Variants in PIKFYVE observed in about 807,000 individuals in gnomAD.
The protein encoded by PIKFYVE is 1-phosphatidylinositol 3-phosphate 5-kinase.
A neutral mutation model predicts 257.9 loss-of-function variants in PIKFYVE; 122 were observed. The observed-to-expected ratio is 0.47, with a 90% CI of 0.41 to 0.55. The LOEUF (loss-of-function observed/expected upper bound fraction) is 0.55. PIKFYVE is among the 20% of genes least tolerant of loss of function. The pLI, the probability that PIKFYVE is intolerant of heterozygous loss-of-function variation, is 0.00. For synonymous variants in PIKFYVE, 892 were observed against 868.9 expected, an observed-to-expected ratio of 1.03 and a Z score of -0.47; for missense variants, 2,160 against 2,536.6, an observed-to-expected ratio of 0.85 and a Z score of 3.19.
At chr2:208,289,022 C>T (rs528737034) in intron 7 of PIKFYVE, among the ~76,000 whole-genome samples, 6 of 152,222 alleles carry the variant, frequency 3.9e-5, no homozygotes, top group South Asian at 2.1e-4. Flanking sequence ...CAGTGGCTTC[C>T]GGGTTTGGAA....
chr2:208,337,659 A>T lies in PIKFYVE; in HGVS notation c.4611+731A>T, dbSNP rs182748898. On this transcript the variant is annotated intron_variant, in intron 28 of 41. Coordinates refer to ENST00000264380, the MANE Select transcript of PIKFYVE (RefSeq NM_015040.4). ...TCCAGGAAGCGAGCTACTATTTAGA[A>T]TGCAATTCTCAAAGTGTGGTTCAAG... is the stretch of plus-strand genomic sequence containing the variant. Among the ~76,000 whole-genome samples, 9 of 152,178 alleles carry T rather than the reference A, an allele frequency of 5.9e-5. No homozygotes were observed. In the East Asian group the frequency reaches 1.5e-3, roughly 26 times the overall value.
chr2:208,333,036 C>T (rs2125653246), intron 23 of PIKFYVE, among the ~76,000 whole-genome samples: 1 of 152,060 alleles, frequency 6.6e-6, no homozygotes, highest in South Asian at 2.1e-4. Flanking sequence ...AGATCGAGAC[C>T]ACCCTGGCTA....
intron 1 of PIKFYVE, among the ~76,000 whole-genome samples, chr2:208,267,391 A>G (rs1000928260): frequency 1.6e-4 from 25 of 151,568 alleles, no homozygotes; most frequent in Admixed American, 1.6e-3. Context: ...TGCTTTCTGG[A>G]TCCTGCTCTG....
chr2:208,318,820 G>T (rs192435194), intron 16 of PIKFYVE, among the ~76,000 whole-genome samples: 4 of 151,980 alleles, frequency 2.6e-5, no homozygotes, highest in Admixed American at 2.6e-4. Context: ...GCGTGGTGGC[G>T]TGTGCCTGTA....
intron 20 of PIKFYVE, among the ~76,000 whole-genome samples, chr2:208,327,248 A>G (rs760180392): frequency 2.6e-5 from 4 of 152,168 alleles, no homozygotes; most frequent in Admixed American, 1.3e-4. Flanking sequence ...AAATGTAGGT[A>G]TATGTACATT....
chr2:208,321,006 C>G (rs576982463), intron 17 of PIKFYVE, among the ~76,000 whole-genome samples: 33 of 152,298 alleles, frequency 2.2e-4, no homozygotes, highest in Non-Finnish European at 3.7e-4. Context: ...TGTAGCGTTG[C>G]AATAGTTTTT....
At position 208,324,937 on chromosome 2, in the gene PIKFYVE, G is replaced by T. The variant is rs776141259; in HGVS notation, c.2358G>T (p.Met786Ile). 3.1e-6 allele frequency: 5 copies of T among 1,613,998 alleles called. No individual in the cohort carries two copies. The South Asian group carries it at 5.5e-5, about 18-fold the overall frequency. ...KSQVLERISR[M>I]TQGDLVMSMD... ...AAGTTTTGGAACGAATCAGTCGAAT[G>T]ACCCAAGGTGATTTAGTGATGTCAA... The change falls in exon 19 of 42, where the codon ATG (methionine) becomes ATT (isoleucine). Residue 786 changes from methionine (M) to isoleucine (I), a missense_variant. Met to Ile is a conservative substitution (Grantham distance 10). Transcript: ENST00000264380.
intron 10 of PIKFYVE, among the ~76,000 whole-genome samples, 164 bp from the exon 11 acceptor site, chr2:208,304,004 CAGT>C (rs1302540793): frequency 6.6e-6 from 1 of 152,132 alleles, no homozygotes; most frequent in Non-Finnish European, 1.5e-5. Context: ...GTGGAATTGT[CAGT>C]ATGATTCTGG....
chr2:208,308,079 T>C (rs1694539515), intron 12 of PIKFYVE, among the ~76,000 whole-genome samples: 1 of 152,232 alleles, frequency 6.6e-6, no homozygotes, highest in Non-Finnish European at 1.5e-5. Flanking sequence ...TAAACCAAAC[T>C]AATGAACATA....
rs374472118 is a variant in PIKFYVE, at chr2:208,285,773, G to T, written c.661G>T (p.Ala221Ser). 5 of 1,613,818 alleles carry T rather than the reference G, an allele frequency of 3.1e-6. No individual in the cohort carries two copies. In the African/African-American group the frequency reaches 6.7e-5, roughly 22 times the overall value. The change falls in exon 6 of 42, where the codon GCT becomes TCT. Residue 221 changes from alanine to serine, a missense_variant. By Grantham distance (99) the Ala-to-Ser change is moderately conservative (BLOSUM62 1). Around this residue, in one of 12 missense-constraint regions of PIKFYVE, gnomAD observed 187 missense variants for 185.6 expected, o/e 1.01. Coordinates refer to ENST00000264380, the MANE Select transcript of PIKFYVE (RefSeq NM_015040.4). ...TTGTAGAAAAATAGCCTTAAGTTAT[G>T]CTCATTCCACAGACAGTAATTCTAT... ...TYCRKIALSY[A>S]HSTDSNSIGE...
At position 208,330,704 on chromosome 2, in the gene PIKFYVE, C is replaced by T; in HGVS notation, c.3963+10C>T. ...TAGAATCTGCAAACAGGTAAATAGA[C>T]CCTATTACTATATTTTGTTTGCCAT... On this transcript the variant is annotated intron_variant, in intron 23 of 41. Coordinates refer to ENST00000264380, the MANE Select transcript of PIKFYVE (RefSeq NM_015040.4). 1 of 1,609,124 alleles carries T rather than the reference C, an allele frequency of 6.2e-7. No individual in the cohort carries two copies.
At chr2:208,349,656 A>C (rs1465803) in intron 35 of PIKFYVE, among the ~76,000 whole-genome samples, 140,943 of 151,632 alleles carry the variant, frequency 0.93, 66,043 homozygotes, top group Non-Finnish European at 0.98. Context: ...ATTGCAAACT[A>C]TTGGGGAAAC....
chr2:208,285,744 C>T lies in PIKFYVE; in HGVS notation c.632C>T (p.Thr211Ile). 1 of 1,613,902 alleles carries T rather than the reference C, an allele frequency of 6.2e-7. No homozygotes were observed. Among genetic ancestry groups the T allele is most frequent in the East Asian group, 2.2e-5 (1 of 44,872 alleles). ...CTCCTAGGAGACCTCCGAGCTTGCA[C>T]ATATTGTAGAAAAATAGCCTTAAGT... ...MGYTGDLRACTYCRKIALSYA... is the reference protein window; with the variant it reads ...MGYTGDLRACIYCRKIALSYA... The change falls in exon 6 of 42, where the codon ACA becomes ATA. Residue 211 changes from threonine to isoleucine, a missense_variant. Coordinates refer to ENST00000264380, the MANE Select transcript of PIKFYVE (RefSeq NM_015040.4).
intron 1 of PIKFYVE, among the ~76,000 whole-genome samples, chr2:208,268,653 A>G (rs1261041901): frequency 6.6e-6 from 1 of 151,026 alleles, no homozygotes; most frequent in Non-Finnish European, 1.5e-5. Flanking sequence ...CTTACTTCCC[A>G]ACACTTTTTG....
Position 208,333,315 on chromosome 2 carries a change from G to A in PIKFYVE, c.3964G>A (p.Val1322Ile). ...TYSWCRICKQVTPVVALSNES... is the reference protein window; with the variant it reads ...TYSWCRICKQITPVVALSNES... The stretch of plus-strand genomic sequence containing the variant: ...GTAAACTATTTTTGCTGAATTCCAG[G>A]TAACACCAGTTGTTGCTCTTTCCAA... The change falls in exon 24 of 42, where the codon GTA becomes ATA. Residue 1322 changes from valine (V) to isoleucine (I), a missense_variant and splice_region_variant. Physicochemically the swap from Val to Ile is conservative, Grantham distance 29. Around this residue, in one of 12 missense-constraint regions of PIKFYVE, gnomAD observed 55 missense variants for 103.0 expected, o/e 0.53. Transcript: ENST00000264380. The A allele has an allele frequency of 6.2e-7, 1 of 1,613,860 alleles. No individual in the cohort carries two copies. The highest frequency in any genetic ancestry group is 8.5e-7 in the Non-Finnish European group (1 of 1,179,894).
Position 208,288,824 on chromosome 2 carries a change from C to G in PIKFYVE, c.911+6C>G. 1.2e-6 allele frequency: 2 copies of G among 1,613,754 alleles called. No individual in the cohort carries two copies. Among genetic ancestry groups the G allele is most frequent in the Non-Finnish European group, 1.7e-6 (2 of 1,179,712 alleles). ...AAATCTCCTGCTCGAAATAGGTAAA[C>G]TGACAAATGAAAACACTGTGCTCTC... On this transcript the variant is annotated splice_donor_region_variant and intron_variant, in intron 7 of 41. Transcript: ENST00000264380.
chr2:208,275,830 T>G (rs757754739), intron 3 of PIKFYVE, among the ~76,000 whole-genome samples: 8 of 152,220 alleles, frequency 5.3e-5, no homozygotes, highest in Admixed American at 1.3e-4. Context: ...ATGTTCATCC[T>G]TTTTGTCAAA....
chr2:208,299,297 T>C (rs543885050), intron 8 of PIKFYVE, among the ~76,000 whole-genome samples: 2 of 150,884 alleles, frequency 1.3e-5, no homozygotes, highest in East Asian at 3.9e-4. Context: ...TTTATTATTA[T>C]TATTTTTTTT....
chr2:208,352,281 C>T (rs2125822754), intron 38 of PIKFYVE, among the ~76,000 whole-genome samples: 2 of 152,154 alleles, frequency 1.3e-5, no homozygotes, highest in East Asian at 3.9e-4. Flanking sequence ...TGTCATTGAG[C>T]AGCCACCAGT....
Sources: allele counts gnomAD v4.1 joint callset (sites outside exome capture counted in the v4.1 genomes callset), GRCh38; gene constraint gnomAD v4.1.1; regional missense constraint gnomAD v4.1.1; transcripts MANE v1.5; gene names NCBI Gene and HGNC (gene_info 2026-07-23, HGNC 2026-07-21).